Variants in PACRG observed in about 807,000 individuals in gnomAD.
PACRG encodes parkin coregulated gene protein.
In PACRG, 29 loss-of-function variants were observed where a neutral mutation model predicts 29.7. The observed-to-expected ratio is 0.98, with a 90% CI of 0.73 to 1.33. The LOEUF is 1.33. PACRG is among the 40% of genes most tolerant of loss of function. PACRG has a pLI of 0.00. For synonymous variants in PACRG, 116 were observed against 118.7 expected, an observed-to-expected ratio of 0.98 and a Z score of 0.15; for missense variants, 279 against 316.2, an observed-to-expected ratio of 0.88 and a Z score of 0.89.
At chr6:162,888,530 T>C (rs1794528998) in intron 2 of PACRG, among the ~76,000 whole-genome samples, 2 of 152,130 alleles carry the variant, frequency 1.3e-5, no homozygotes, top group African/African-American at 2.4e-5. Flanking sequence ...GGCAGGACAT[T>C]TGGACTCTCT....
At chr6:163,215,755 T>G (rs1488342472) in intron 4 of PACRG, among the ~76,000 whole-genome samples, 2 of 152,046 alleles carry the variant, frequency 1.3e-5, no homozygotes, top group Admixed American at 1.3e-4. Context: ...AACATTTAAC[T>G]GGGTAGGAAG....
intron 4 of PACRG, among the ~76,000 whole-genome samples, chr6:163,211,543 A>T (rs1260180804): frequency 6.6e-6 from 1 of 152,152 alleles, no homozygotes; most frequent in Non-Finnish European, 1.5e-5. Context: ...GCATATATCT[A>T]TGTAATGGAG....
chr6:163,167,004 C>T (rs1040925893), intron 4 of PACRG, among the ~76,000 whole-genome samples: 6 of 152,184 alleles, frequency 3.9e-5, no homozygotes, highest in Non-Finnish European at 8.8e-5. Flanking sequence ...ATCATCTTTT[C>T]CAACAGTTGA....
At chr6:162,972,455 A>G (rs937236250) in intron 2 of PACRG, among the ~76,000 whole-genome samples, 13 of 152,106 alleles carry the variant, frequency 8.5e-5, no homozygotes, top group African/African-American at 3.1e-4. Context: ...ATAGTCGACT[A>G]TGATCTAAAT....
intron 1 of PACRG, among the ~76,000 whole-genome samples, chr6:162,790,099 A>C (rs983274364): frequency 6.6e-6 from 1 of 152,208 alleles, no homozygotes. Context: ...AGCAAATTAT[A>C]TCTAAATGAT....
chr6:163,245,090 C>T (rs1237315548), intron 4 of PACRG: 1 of 448,160 alleles, frequency 2.2e-6, no homozygotes, highest in African/African-American at 2.0e-5. Context: ...AGACTAAACT[C>T]TGCAACAAAT....
chr6:162,914,099 T>G (rs1241963541), intron 2 of PACRG, among the ~76,000 whole-genome samples: 1 of 152,180 alleles, frequency 6.6e-6, no homozygotes, highest in African/African-American at 2.4e-5. Flanking sequence ...TTTTTTCTTT[T>G]ATGGTTTTAC....
At chr6:163,219,286 C>T (rs1781483577) in intron 4 of PACRG, among the ~76,000 whole-genome samples, 1 of 152,174 alleles carries the variant, frequency 6.6e-6, no homozygotes, top group Non-Finnish European at 1.5e-5. Context: ...AATCTTTATT[C>T]TTCTCTAATC....
intron 4 of PACRG, among the ~76,000 whole-genome samples, chr6:163,226,613 T>G (rs1781811521): frequency 6.6e-6 from 1 of 152,192 alleles, no homozygotes. Flanking sequence ...TGGGGCTCTG[T>G]GCCTATACAT....
At chr6:163,244,281 G>T (rs555664900) in intron 4 of PACRG, among the ~76,000 whole-genome samples, 1 of 151,844 alleles carries the variant, frequency 6.6e-6, no homozygotes, top group African/African-American at 2.4e-5. Flanking sequence ...TTTGCATTCA[G>T]TTTGGGTGGA....
At chr6:162,933,228 C>G (rs1167349433) in intron 2 of PACRG, among the ~76,000 whole-genome samples, 1 of 152,124 alleles carries the variant, frequency 6.6e-6, no homozygotes, top group East Asian at 1.9e-4. Context: ...ATAGGACTTT[C>G]ATTTCTTGAA....
At chr6:162,953,033 C>G (rs1342603856) in intron 2 of PACRG, among the ~76,000 whole-genome samples, 1 of 152,122 alleles carries the variant, frequency 6.6e-6, no homozygotes, top group East Asian at 1.9e-4. Flanking sequence ...TACAAAAATT[C>G]ATTGCATTTA....
intron 3 of PACRG, among the ~76,000 whole-genome samples, chr6:163,077,485 G>A (rs926262581): frequency 1.3e-5 from 2 of 152,028 alleles, no homozygotes; most frequent in African/African-American, 4.8e-5. Flanking sequence ...GGAAAACCTA[G>A]TGGGGAAAAA....
At chr6:162,914,184 T>C (rs1466236052) in intron 2 of PACRG, among the ~76,000 whole-genome samples, 1 of 152,144 alleles carries the variant, frequency 6.6e-6, no homozygotes, top group Non-Finnish European at 1.5e-5. Context: ...GGTTTTATAT[T>C]TTAGGGTTTA....
chr6:162,855,738 C>A (rs529632042), intron 2 of PACRG, among the ~76,000 whole-genome samples: 1 of 152,204 alleles, frequency 6.6e-6, no homozygotes, highest in Non-Finnish European at 1.5e-5. Context: ...AGCGCCCCAA[C>A]TCCCTGCTTC....
intron 4 of PACRG, chr6:163,166,173 GC>G (rs1206138127): frequency 4.4e-6 from 2 of 456,258 alleles, no homozygotes; most frequent in Non-Finnish European, 8.8e-6. Flanking sequence ...AGGGTTTTGT[GC>G]TCGTTTCCTC....
At chr6:163,165,579 G>A (rs1036367204) in intron 4 of PACRG, 26 of 156,076 alleles carry the variant, frequency 1.7e-4, no homozygotes, top group Non-Finnish European at 3.2e-4. Context: ...AGGGGAAATG[G>A]CCACAAACCT....
chr6:162,986,290 C>T (rs1414419802), intron 2 of PACRG, among the ~76,000 whole-genome samples: 1 of 152,144 alleles, frequency 6.6e-6, no homozygotes, highest in African/African-American at 2.4e-5. Flanking sequence ...CTGAAGGCCT[C>T]ACATTACTTA....
intron 1 of PACRG, among the ~76,000 whole-genome samples, chr6:162,811,051 T>C (rs1786820448): frequency 1.3e-5 from 2 of 152,114 alleles, no homozygotes; most frequent in African/African-American, 4.8e-5. Flanking sequence ...TAAAAAAAAG[T>C]GGCACCTTAT....
Sources: gnomAD v4.1 joint callset for allele counts (sites outside exome capture counted in the v4.1 genomes callset) on GRCh38, gnomAD v4.1.1 for gene constraint, MANE v1.5 for transcripts, NCBI Gene and HGNC (gene_info 2026-07-23, HGNC 2026-07-21) for gene names.